ZC3H11C: variants seen among roughly 807,000 people sequenced by gnomAD.
ZC3H11C encodes the protein zinc finger CCCH domain-containing protein 11C.
chr6:65,301,620 C>T, the ZC3H11C span, among the ~76,000 whole-genome samples: 1,066 of 152,360 alleles, frequency 7.0e-3, 2 homozygotes, highest in Non-Finnish European at 0.012. Context: ...GTCTCAAACT[C>T]CACATACAGA....
the ZC3H11C span, among the ~76,000 whole-genome samples, chr6:65,306,485 G>T: frequency 6.6e-6 from 1 of 151,918 alleles, no homozygotes; most frequent in Non-Finnish European, 1.5e-5. Context: ...TACTTATTTC[G>T]CTTTTGGAAT....
At chr6:65,301,536 C>G in the ZC3H11C span, among the ~76,000 whole-genome samples, 1 of 152,148 alleles carries the variant, frequency 6.6e-6, no homozygotes, top group Non-Finnish European at 1.5e-5. Flanking sequence ...AGCGGCCAAG[C>G]GAGAAGAAAG....
the ZC3H11C span, among the ~76,000 whole-genome samples, chr6:65,302,238 T>A: frequency 4.0e-4 from 61 of 152,338 alleles, no homozygotes; most frequent in African/African-American, 1.3e-3. Context: ...CTGAGAGGTT[T>A]TCTTGGCAAT....
the ZC3H11C span, among the ~76,000 whole-genome samples, chr6:65,302,260 A>C: frequency 6.6e-6 from 1 of 152,208 alleles, no homozygotes; most frequent in South Asian, 2.1e-4. Context: ...TGAGGAGGAA[A>C]ATTTTTTCTG....
the ZC3H11C span, chr6:65,304,124 GT>G: frequency 1.1e-5 from 8 of 711,806 alleles, no homozygotes; most frequent in Middle Eastern, 2.3e-4. Flanking sequence ...TCTGAGCCGT[GT>G]TAGAATGGAA....
chr6:65,302,255 A>C, the ZC3H11C span, among the ~76,000 whole-genome samples: 2 of 152,174 alleles, frequency 1.3e-5, no homozygotes, highest in Non-Finnish European at 1.5e-5. Context: ...CAATGTGAGG[A>C]GGAAAATTTT....
At chr6:65,305,778 C>T in the ZC3H11C span, among the ~76,000 whole-genome samples, 3 of 152,178 alleles carry the variant, frequency 2.0e-5, no homozygotes, top group Admixed American at 6.5e-5. Flanking sequence ...TGAATTAACA[C>T]AGGGACAAAA....
chr6:65,301,571 G>T, the ZC3H11C span, among the ~76,000 whole-genome samples: 1 of 152,220 alleles, frequency 6.6e-6, no homozygotes, highest in South Asian at 2.1e-4. Context: ...GGGAGTCGGG[G>T]ATAGTGTCAT....
chr6:65,302,310 C>A, the ZC3H11C span, among the ~76,000 whole-genome samples: 2 of 152,136 alleles, frequency 1.3e-5, no homozygotes, highest in Non-Finnish European at 2.9e-5. Flanking sequence ...GTTGGTTCGA[C>A]CTACAGGCGT....
the ZC3H11C span, among the ~76,000 whole-genome samples, chr6:65,305,999 G>A: frequency 3.3e-5 from 5 of 152,022 alleles, no homozygotes; most frequent in Non-Finnish European, 7.4e-5. Flanking sequence ...CTTCATTTCT[G>A]AATTGAGTTT....
At chr6:65,302,429 A>G in the ZC3H11C span, 2 of 633,204 alleles carry the variant, frequency 3.2e-6, no homozygotes, top group Admixed American at 5.7e-5. Context: ...GGAAGATTAA[A>G]CCCATTTCAC....
At chr6:65,305,490 G>A in the ZC3H11C span, among the ~76,000 whole-genome samples, 1 of 152,180 alleles carries the variant, frequency 6.6e-6, no homozygotes, top group East Asian at 1.9e-4. Context: ...CTTTAAAGAG[G>A]GCTGAGCAGC....
chr6:65,305,214 CAA>C, the ZC3H11C span, among the ~76,000 whole-genome samples: 1 of 151,978 alleles, frequency 6.6e-6, no homozygotes, highest in Non-Finnish European at 1.5e-5. Flanking sequence ...CTTCTCTCCA[CAA>C]AAAAGAGACT....
At chr6:65,303,921 A>AG in the ZC3H11C span, 1 of 715,372 alleles carries the variant, frequency 1.4e-6, no homozygotes, top group South Asian at 1.5e-5. Context: ...AAGTCCATGC[A>AG]GGAGGTGCAC....
At chr6:65,305,629 CA>C in the ZC3H11C span, among the ~76,000 whole-genome samples, 1 of 152,114 alleles carries the variant, frequency 6.6e-6, no homozygotes, top group African/African-American at 2.4e-5. Flanking sequence ...TAAAGTGCCT[CA>C]GGGGTCCCCT....
chr6:65,305,471 T>G, the ZC3H11C span, among the ~76,000 whole-genome samples: 1 of 152,342 alleles, frequency 6.6e-6, no homozygotes, highest in Non-Finnish European at 1.5e-5. Context: ...ATTTAGAGAT[T>G]CAACTAAGCT....
the ZC3H11C span, among the ~76,000 whole-genome samples, chr6:65,305,795 T>A: frequency 6.6e-6 from 1 of 152,214 alleles, no homozygotes; most frequent in Non-Finnish European, 1.5e-5. Flanking sequence ...AAAATATGGT[T>A]AATTTTTTAT....
the ZC3H11C span, among the ~76,000 whole-genome samples, chr6:65,301,567 C>A: frequency 6.6e-6 from 1 of 152,190 alleles, no homozygotes; most frequent in Non-Finnish European, 1.5e-5. Flanking sequence ...AAGCGGGAGT[C>A]GGGGATAGTG....
At chr6:65,301,519 G>A in the ZC3H11C span, among the ~76,000 whole-genome samples, 3 of 152,178 alleles carry the variant, frequency 2.0e-5, no homozygotes, top group African/African-American at 7.2e-5. Context: ...GGAGGACGAC[G>A]GACGGCAGCG....
Sources: allele counts gnomAD v4.1 joint callset (sites outside exome capture counted in the v4.1 genomes callset), GRCh38; gene constraint gnomAD v4.1.1; transcripts MANE v1.5; gene names NCBI Gene and HGNC (gene_info 2026-07-23, HGNC 2026-07-21).